Variants in ATP2B2 observed in about 807,000 individuals in gnomAD.
The protein encoded by ATP2B2 is plasma membrane calcium-transporting ATPase 2.
In ATP2B2, 15 loss-of-function variants were observed where a neutral mutation model predicts 120.0. That is an observed-to-expected ratio of 0.12 (90% CI 0.08 to 0.19). The LOEUF (loss-of-function observed/expected upper bound fraction) is 0.19. Ranked by LOEUF, ATP2B2 falls within the 10% of genes least tolerant of loss-of-function variation. The pLI is 1.00. For synonymous variants in ATP2B2, 694 were observed against 700.3 expected (o/e 0.99, Z 0.14); for missense variants, 1,045 against 1,719.8 (o/e 0.61, Z 6.94).
chr3:10,533,160 C>T (rs561353843), intron 3 of ATP2B2, among the ~76,000 whole-genome samples: 2 of 152,192 alleles, frequency 1.3e-5, no homozygotes, highest in South Asian at 2.1e-4. Flanking sequence ...ATAGCAGAGG[C>T]CCCAAGAAAG....
chr3:10,393,030 C>G (rs1244759046), intron 5 of ATP2B2, among the ~76,000 whole-genome samples: 1 of 152,212 alleles, frequency 6.6e-6, no homozygotes, highest in Non-Finnish European at 1.5e-5. Context: ...ACTTGACGGA[C>G]AGACATGGTG....
intron 2 of ATP2B2, among the ~76,000 whole-genome samples, chr3:10,600,826 G>A (rs1188961177): frequency 1.3e-5 from 2 of 152,202 alleles, no homozygotes; most frequent in African/African-American, 2.4e-5. Context: ...CTGAGTGAGG[G>A]CATGGGGAGG....
At chr3:10,486,391 G>A (rs1411620573) in intron 1 of ATP2B2, among the ~76,000 whole-genome samples, 1 of 151,372 alleles carries the variant, frequency 6.6e-6, no homozygotes, top group Non-Finnish European at 1.5e-5. Context: ...TCCTATGTCA[G>A]GATCAGCCCC....
chr3:10,508,254 G>T (rs13076592), upstream of ATP2B2, among the ~76,000 whole-genome samples: 41,929 of 152,004 alleles, frequency 0.28, 6,159 homozygotes, highest in South Asian at 0.43. Flanking sequence ...TTCCTTGTGG[G>T]TATACCCCAG....
At chr3:10,672,029 A>G (rs1428141787) in intron 1 of ATP2B2, among the ~76,000 whole-genome samples, 1 of 152,238 alleles carries the variant, frequency 6.6e-6, no homozygotes, top group Non-Finnish European at 1.5e-5. Context: ...TTTGACTGCT[A>G]GAGAGCCTCG....
chr3:10,378,511 C>A, intron 9 of ATP2B2, 101 bp from the exon 10 acceptor site: 1 of 1,504,294 alleles, frequency 6.6e-7, no homozygotes, highest in East Asian at 2.3e-5. Context: ...CCTGCCTGCC[C>A]AGGGTAGGTG....
Position 10,449,992 on chromosome 3 carries a change from C to G in ATP2B2, c.-319-130G>C, listed in dbSNP as rs1011262760. On this transcript the variant is annotated intron_variant, in intron 1 of 22. Transcript: ENST00000360273. Reference sequence around the variant, plus strand: ...CTGACTACACCCATGCCCCCTAACACACCAGCTCACACTGTAAATCCAATG... The same window carrying G: ...CTGACTACACCCATGCCCCCTAACAGACCAGCTCACACTGTAAATCCAATG... 1.3e-4 allele frequency: 39 copies of G among 291,058 alleles called. 1 individual carries two copies. Among genetic ancestry groups the G allele is most frequent in the Admixed American group, 4.2e-4 (9 of 21,510 alleles). 18.0% of individuals were successfully genotyped at this position (291,058 alleles called of 1,614,324 possible).
intron 14 of ATP2B2, among the ~76,000 whole-genome samples, chr3:10,351,066 C>T (rs1394488101): frequency 6.6e-6 from 1 of 152,240 alleles, no homozygotes; most frequent in Non-Finnish European, 1.5e-5. Flanking sequence ...ATTTTACTTA[C>T]AGAATGTGAC....
At chr3:10,694,504 T>C (rs1004514166) in intron 1 of ATP2B2, among the ~76,000 whole-genome samples, 2 of 152,258 alleles carry the variant, frequency 1.3e-5, no homozygotes, top group African/African-American at 4.8e-5. Flanking sequence ...TTCTTATTGC[T>C]GAGTACTGTT....
chr3:10,333,567 T>C (rs1023938232), intron 22 of ATP2B2, among the ~76,000 whole-genome samples: 1 of 152,104 alleles, frequency 6.6e-6, no homozygotes, highest in Non-Finnish European at 1.5e-5. Flanking sequence ...CAAATGTGTG[T>C]ACTGAAACCA....
intron 22 of ATP2B2, among the ~76,000 whole-genome samples, chr3:10,337,320 A>G (rs1283756256): frequency 6.6e-6 from 1 of 152,074 alleles, no homozygotes; most frequent in Non-Finnish European, 1.5e-5. Context: ...CTGCTTCTAC[A>G]CTGCACTTCG....
chr3:10,368,605 C>A (rs544979404), intron 12 of ATP2B2, among the ~76,000 whole-genome samples: 4 of 151,936 alleles, frequency 2.6e-5, no homozygotes, highest in Non-Finnish European at 2.9e-5. Flanking sequence ...CCAATGAACA[C>A]ATCCATCCAT....
intron 18 of ATP2B2, among the ~76,000 whole-genome samples, chr3:10,345,041 C>T (rs1230061747): frequency 6.6e-6 from 1 of 152,234 alleles, no homozygotes; most frequent in African/African-American, 2.4e-5. Flanking sequence ...TCCCTGCCTC[C>T]CTCTGCCCTC....
intron 1 of ATP2B2, among the ~76,000 whole-genome samples, chr3:10,629,598 G>A (rs1486979863): frequency 6.6e-6 from 1 of 152,208 alleles, no homozygotes; most frequent in Non-Finnish European, 1.5e-5. Flanking sequence ...GAGGCATAGA[G>A]GTTTGGTTGC....
chr3:10,439,072 C>T (rs1206045409), intron 2 of ATP2B2, among the ~76,000 whole-genome samples: 1 of 152,198 alleles, frequency 6.6e-6, no homozygotes, highest in Non-Finnish European at 1.5e-5. Flanking sequence ...GGCAAAGGGC[C>T]AAGGGCCAAG....
At chr3:10,506,084 C>T (rs1385921897), upstream of ATP2B2, among the ~76,000 whole-genome samples, 3 of 152,018 alleles carry the variant, frequency 2.0e-5, no homozygotes, top group Non-Finnish European at 2.9e-5. Flanking sequence ...GGCTCTGGCC[C>T]CCCTCTTTGC....
intron 5 of ATP2B2, chr3:10,394,656 T>C: frequency 2.4e-6 from 1 of 413,004 alleles, no homozygotes. Context: ...CTCCCATGCC[T>C]GGCCTTCTGC....
At chr3:10,427,999 C>T (rs1249869636) in intron 2 of ATP2B2, among the ~76,000 whole-genome samples, 2 of 152,180 alleles carry the variant, frequency 1.3e-5, no homozygotes, top group Non-Finnish European at 2.9e-5. Context: ...GATTCAACTC[C>T]AGTTTTAAAG....
At chr3:10,474,557 A>G (rs2125297347) in intron 1 of ATP2B2, among the ~76,000 whole-genome samples, 1 of 152,350 alleles carries the variant, frequency 6.6e-6, no homozygotes, top group African/African-American at 2.4e-5. Flanking sequence ...ACCCTGGCAG[A>G]CCTGACTAGG....
Sources: gnomAD v4.1 joint callset for allele counts (sites outside exome capture counted in the v4.1 genomes callset) on GRCh38, gnomAD v4.1.1 for gene constraint, MANE v1.5 for transcripts, NCBI Gene and HGNC (gene_info 2026-07-23, HGNC 2026-07-21) for gene names.